The following ZNF521 variants were observed in gnomAD, a reference collection of about 807,000 sequenced individuals.
The protein encoded by ZNF521 is LYST-interacting protein 3.
Under a neutral mutation model 105.5 loss-of-function variants are expected in ZNF521, and 14 were observed. That is an observed-to-expected ratio of 0.13 (90% confidence interval 0.09 to 0.21). ZNF521 has a LOEUF of 0.21. Among genes scored for constraint, ZNF521 ranks in the 10% least tolerant of loss-of-function variants. The pLI, the probability that ZNF521 is intolerant of heterozygous loss-of-function variation, is 1.00. For missense variants in ZNF521, 1,233 were observed against 1,629.7 expected, an observed-to-expected ratio of 0.76 and a Z score of 4.19; for synonymous variants, 635 against 606.0, an observed-to-expected ratio of 1.05 and a Z score of -0.70.
chr18:25,226,824 A>G lies in ZNF521; in HGVS notation c.1094T>C (p.Val365Ala), dbSNP rs756232611. The part of the protein sequence containing the change: ...SSTTPDSNLS[V>A]DSSTMVEAAP... ...AGCTTCCACCATGGTTGAGCTGTCC[A>G]CTGAGAGGTTGGAATCTGGAGTCGT... Residue 365 changes from valine to alanine, a missense_variant, in exon 4 of 8, where the codon GTG becomes GCG. Physicochemically the swap from Val to Ala is moderately conservative, Grantham distance 64. Around this residue, in one of 6 missense-constraint regions of ZNF521, gnomAD observed 380 missense variants for 478.0 expected, o/e 0.80. Transcript: ENST00000361524. The surrounding 1 kb of genome is among the most constrained non-coding windows in gnomAD (Gnocchi z 4.1). 20 of 1,613,636 alleles carry G rather than the reference A, an allele frequency of 1.2e-5. No individual in the cohort carries two copies. The South Asian group carries it at 2.0e-4, about 16-fold the overall frequency.
chr18:25,266,931 G>A (rs146735462), intron 3 of ZNF521, among the ~76,000 whole-genome samples: 308 of 152,200 alleles, frequency 2.0e-3, no homozygotes, highest in Admixed American at 4.2e-3. Context: ...AGACAGTACC[G>A]TTCATTCCCT....
intron 7 of ZNF521, among the ~76,000 whole-genome samples, chr18:25,066,190 G>A (rs560189049): frequency 7.9e-5 from 12 of 152,280 alleles, no homozygotes; most frequent in Admixed American, 5.9e-4. Context: ...CTATGGCAGG[G>A]TGTCCCCAGG....
chr18:25,316,670 G>C (rs1912637349), intron 3 of ZNF521, among the ~76,000 whole-genome samples: 1 of 151,974 alleles, frequency 6.6e-6, no homozygotes. Flanking sequence ...AACAAACATG[G>C]ATCGTTCCTG....
chr18:25,186,976 C>A (rs1441609139), intron 5 of ZNF521, among the ~76,000 whole-genome samples: 1 of 150,044 alleles, frequency 6.7e-6, no homozygotes, highest in Non-Finnish European at 1.5e-5. Flanking sequence ...GAAGAAAAGT[C>A]ATACTTCTGT....
At chr18:25,311,955 T>C (rs140514758) in intron 3 of ZNF521, among the ~76,000 whole-genome samples, 1 of 152,184 alleles carries the variant, frequency 6.6e-6, no homozygotes, top group South Asian at 2.1e-4. Flanking sequence ...ATATAAGATA[T>C]TCTCCACTTA....
At chr18:25,315,024 C>A (rs779837613) in intron 3 of ZNF521, among the ~76,000 whole-genome samples, 1 of 152,194 alleles carries the variant, frequency 6.6e-6, no homozygotes, top group Non-Finnish European at 1.5e-5. Flanking sequence ...TGTGATGAGA[C>A]CCCTCTGGCT....
At chr18:25,183,885 T>C (rs1179392778) in intron 5 of ZNF521, among the ~76,000 whole-genome samples, 2 of 152,130 alleles carry the variant, frequency 1.3e-5, no homozygotes, top group Admixed American at 6.5e-5. Context: ...TTTGCTTTAC[T>C]ATGGCAAGGG....
intron 3 of ZNF521, among the ~76,000 whole-genome samples, chr18:25,275,636 T>C (rs28597371): frequency 0.13 from 19,724 of 152,176 alleles, 1,816 homozygotes; most frequent in African/African-American, 0.26. Flanking sequence ...TTTTCAGGGA[T>C]TGCTCCCTCC....
intron 3 of ZNF521, among the ~76,000 whole-genome samples, chr18:25,317,712 A>G (rs147371414): frequency 1.3e-5 from 2 of 152,340 alleles, no homozygotes; most frequent in East Asian, 3.9e-4. Flanking sequence ...TCCCAAAATG[A>G]TATGTTCTAG....
chr18:25,231,646 C>T (rs745410041), intron 3 of ZNF521: 2 of 152,086 alleles, frequency 1.3e-5, no homozygotes, highest in Admixed American at 6.6e-5. Context: ...TCTGGCCACT[C>T]GCTGGTGTTC....
At chr18:25,322,211 T>C in intron 2 of ZNF521, 24 bp from the exon 3 acceptor site, 1 of 1,609,940 alleles carries the variant, frequency 6.2e-7, no homozygotes. Flanking sequence ...ACACTGTAAG[T>C]ATGGGGTTTA....
chr18:25,105,856 T>C (rs2034061925), intron 5 of ZNF521, among the ~76,000 whole-genome samples: 1 of 152,204 alleles, frequency 6.6e-6, no homozygotes, highest in Non-Finnish European at 1.5e-5. Context: ...AGATCATCCA[T>C]CTACTTGTGT....
chr18:25,227,064 T>C lies in ZNF521; in HGVS notation c.854A>G (p.Tyr285Cys), dbSNP rs765354548. The C allele has an allele frequency of 6.2e-6, 10 of 1,613,948 alleles. No individual in the cohort carries two copies. The highest frequency in any genetic ancestry group is 4.4e-5 in the South Asian group (4 of 91,062). The change falls in exon 4 of 8, where the codon TAC becomes TGC. Residue 285 changes from tyrosine (Y) to cysteine (C), a missense_variant. Coordinates refer to ENST00000361524, the MANE Select transcript of ZNF521 (RefSeq NM_015461.3). The surrounding 1 kb of genome is among the most constrained non-coding windows in gnomAD (Gnocchi z 5.7). ...NEDRAALQCV[Y>C]CHELFVEETS... ...CTCCTCTACGAAGAGCTCGTGGCAG[T>C]AGACACACTGGAGGGCCGCTCGGTC...
At chr18:25,259,671 G>T (rs764561392) in intron 3 of ZNF521, among the ~76,000 whole-genome samples, 46 of 152,284 alleles carry the variant, frequency 3.0e-4, no homozygotes, top group Middle Eastern at 3.4e-3. Flanking sequence ...GATCTGTTGA[G>T]TGCCTACCAT....
chr18:25,314,177 G>C (rs765632067), intron 3 of ZNF521, among the ~76,000 whole-genome samples: 2 of 151,854 alleles, frequency 1.3e-5, no homozygotes, highest in Non-Finnish European at 2.9e-5. Flanking sequence ...TCAACTAATG[G>C]TTTGATAAGG....
In ZNF521 at chr18:25,248,471, C is replaced by T. The variant is rs192426023; in HGVS notation, c.221-20774G>A. Reference sequence around the variant, plus strand: ...CATTTATGCAGTGGCAGTCTTAAAACGTAAACTTCTTCATCATGACATTTA... The same window carrying T: ...CATTTATGCAGTGGCAGTCTTAAAATGTAAACTTCTTCATCATGACATTTA... On this transcript the variant is annotated intron_variant, in intron 3 of 7. Coordinates refer to ENST00000361524, the MANE Select transcript of ZNF521 (RefSeq NM_015461.3). 2.0e-3 allele frequency among the ~76,000 whole-genome samples: 298 copies of T among 152,318 alleles called. 1 individual carries two copies. The highest frequency in any genetic ancestry group is 6.1e-3 in the African/African-American group (255 of 41,574).
chr18:25,333,985 G>A (rs550274967), intron 2 of ZNF521, among the ~76,000 whole-genome samples: 5 of 152,254 alleles, frequency 3.3e-5, no homozygotes, highest in South Asian at 2.1e-4. Context: ...GTAACAGCAC[G>A]GAGAAGAAAG....
At chr18:25,214,913 C>CAGGAAACATAT (rs1356240530) in intron 4 of ZNF521, among the ~76,000 whole-genome samples, 22 of 151,928 alleles carry the variant, frequency 1.4e-4, no homozygotes, top group Non-Finnish European at 2.8e-4. Flanking sequence ...GTTAGGAGAA[C>CAGGAAACATAT]AGGAAACATA....
chr18:25,310,730 G>A (rs916256995), intron 3 of ZNF521, among the ~76,000 whole-genome samples: 4 of 152,058 alleles, frequency 2.6e-5, no homozygotes, highest in African/African-American at 9.7e-5. Context: ...CATTGACCCT[G>A]TTATTTTCTT....
Sources: allele counts gnomAD v4.1 joint callset (sites outside exome capture counted in the v4.1 genomes callset), GRCh38; gene constraint gnomAD v4.1.1; regional missense constraint gnomAD v4.1.1; non-coding constraint Gnocchi (gnomAD v3.1); transcripts MANE v1.5; gene names NCBI Gene and HGNC (gene_info 2026-07-23, HGNC 2026-07-21).